The following DLGAP2 variants were observed in gnomAD, a reference collection of about 807,000 sequenced individuals.
DLGAP2 encodes the protein DLG associated protein 2.
A neutral mutation model predicts 100.3 loss-of-function variants in DLGAP2; 26 were observed. The ratio of observed to expected loss-of-function variants is 0.26; its 90% CI spans 0.19 to 0.36. The LOEUF (loss-of-function observed/expected upper bound fraction) is 0.36. DLGAP2 is among the 10% of genes least tolerant of loss of function. The pLI is 1.00. For missense variants in DLGAP2, 1,858 were observed against 1,453.2 expected, an observed-to-expected ratio of 1.28 and a Z score of -4.53; for synonymous variants, 886 against 630.1, an observed-to-expected ratio of 1.41 and a Z score of -6.08.
chr8:921,236 C>T (rs572664152), intron 2 of DLGAP2, among the ~76,000 whole-genome samples: 1 of 152,028 alleles, frequency 6.6e-6, no homozygotes, highest in Admixed American at 6.6e-5. Context: ...AGACTTGTTT[C>T]CCCTGATTTC....
chr8:957,056 A>C (rs555201725), intron 2 of DLGAP2, among the ~76,000 whole-genome samples: 63 of 152,346 alleles, frequency 4.1e-4, no homozygotes, highest in African/African-American at 1.3e-3. Flanking sequence ...CAAGCACCCA[A>C]GCTGGTTGGA....
At chr8:1,287,652 G>GTGTA (rs1799968826) in intron 3 of DLGAP2, among the ~76,000 whole-genome samples, 1 of 135,996 alleles carries the variant, frequency 7.4e-6, no homozygotes, top group African/African-American at 2.9e-5. Flanking sequence ...GTGTGTGTGT[G>GTGTA]TGTGTGTATG....
At chr8:1,359,946 C>T (rs903617396) in intron 3 of DLGAP2, among the ~76,000 whole-genome samples, 1 of 152,188 alleles carries the variant, frequency 6.6e-6, no homozygotes, top group African/African-American at 2.4e-5. Flanking sequence ...CAGGACCGTC[C>T]TGAGTTCGTG....
At chr8:1,217,777 C>A (rs939190147) in intron 2 of DLGAP2, among the ~76,000 whole-genome samples, 1 of 152,042 alleles carries the variant, frequency 6.6e-6, no homozygotes, top group Non-Finnish European at 1.5e-5. Context: ...TTGACAACAT[C>A]TGCTATTAAT....
At chr8:1,373,324 G>A (rs1041879203) in intron 3 of DLGAP2, among the ~76,000 whole-genome samples, 13 of 151,756 alleles carry the variant, frequency 8.6e-5, no homozygotes, top group Non-Finnish European at 1.8e-4. Flanking sequence ...GCTGACGGGC[G>A]GGCCCTTCCG....
intron 1 of DLGAP2, among the ~76,000 whole-genome samples, chr8:758,055 T>C (rs1204896107): frequency 6.6e-6 from 1 of 152,170 alleles, no homozygotes; most frequent in Non-Finnish European, 1.5e-5. Context: ...GAAATGGAGA[T>C]GATGGTAATT....
At chr8:1,649,586 T>A (rs893260328) in intron 8 of DLGAP2, among the ~76,000 whole-genome samples, 1 of 152,218 alleles carries the variant, frequency 6.6e-6, no homozygotes, top group Non-Finnish European at 1.5e-5. Context: ...TGGTGAGATC[T>A]GTATCACTAC....
intron 3 of DLGAP2, among the ~76,000 whole-genome samples, chr8:1,345,015 T>C (rs1461215029): frequency 2.0e-5 from 3 of 152,218 alleles, no homozygotes; most frequent in African/African-American, 7.2e-5. Flanking sequence ...CCAAATTTGA[T>C]ATTGGGACCA....
intron 6 of DLGAP2, chr8:1,621,478 C>G (rs922600639): frequency 2.0e-5 from 3 of 152,292 alleles, no homozygotes; most frequent in Non-Finnish European, 4.4e-5. Flanking sequence ...CCCGTTGGGA[C>G]CCAAGCCAGC....
At chr8:1,253,477 A>G (rs1231856684) in intron 2 of DLGAP2, among the ~76,000 whole-genome samples, 1 of 152,262 alleles carries the variant, frequency 6.6e-6, no homozygotes, top group Non-Finnish European at 1.5e-5. Flanking sequence ...AAATATGTGC[A>G]TAAATGTAGA....
chr8:738,753 G>A, intron 1 of DLGAP2: 1 of 153,250 alleles, frequency 6.5e-6, no homozygotes, highest in Non-Finnish European at 1.5e-5. Context: ...CGCGGCGTGT[G>A]CGGTGCCCGA....
intron 1 of DLGAP2, among the ~76,000 whole-genome samples, chr8:765,784 T>G (rs554940869): frequency 3.9e-5 from 6 of 152,202 alleles, no homozygotes; most frequent in African/African-American, 1.4e-4. Context: ...CACACATGCA[T>G]GTACACAGAC....
intron 2 of DLGAP2, among the ~76,000 whole-genome samples, chr8:974,814 A>G (rs1240954846): frequency 2.6e-5 from 4 of 152,216 alleles, no homozygotes; most frequent in South Asian, 4.1e-4. Flanking sequence ...TCCAAAATCA[A>G]TCATCTAAAC....
Position 1,130,554 on chromosome 8 carries a change from G to A in DLGAP2, c.74-128297G>A, listed in dbSNP as rs558465733. 7.2e-5 allele frequency among the ~76,000 whole-genome samples: 11 copies of A among 152,288 alleles called. No homozygotes were observed. In the East Asian group the frequency reaches 1.2e-3, roughly 16 times the overall value. On this transcript the variant is annotated intron_variant, in intron 2 of 14. Coordinates refer to ENST00000637795, the MANE Select transcript of DLGAP2 (RefSeq NM_001346810.2). ...CACCCATTAGATAAAAGCAGATGCC[G>A]CGTTTTCTGAACCCCAACTGTAACT... is the stretch of plus-strand genomic sequence containing the variant.
intron 4 of DLGAP2, among the ~76,000 whole-genome samples, chr8:1,522,350 C>T (rs1262531768): frequency 2.6e-5 from 4 of 152,186 alleles, no homozygotes; most frequent in African/African-American, 7.2e-5. Context: ...GCCGAAACAG[C>T]TGAGTGCATG....
At chr8:1,478,029 C>T (rs1798983868) in intron 3 of DLGAP2, among the ~76,000 whole-genome samples, 2 of 152,124 alleles carry the variant, frequency 1.3e-5, no homozygotes, top group Non-Finnish European at 2.9e-5. Flanking sequence ...ACTTTCATTC[C>T]CCCTACGTAA....
At chr8:1,075,164 C>A (rs539566517) in intron 2 of DLGAP2, among the ~76,000 whole-genome samples, 19 of 152,326 alleles carry the variant, frequency 1.2e-4, no homozygotes, top group Admixed American at 9.8e-4. Context: ...AGACAAACAG[C>A]CCCTCCTTTT....
At chr8:1,664,849 C>T (rs1022251581) in intron 8 of DLGAP2, among the ~76,000 whole-genome samples, 1 of 152,222 alleles carries the variant, frequency 6.6e-6, no homozygotes, top group African/African-American at 2.4e-5. Flanking sequence ...GTTTTGAGAA[C>T]AACCTGGCAG....
At chr8:1,408,414 G>A (rs566856385) in intron 3 of DLGAP2, among the ~76,000 whole-genome samples, 1 of 149,848 alleles carries the variant, frequency 6.7e-6, no homozygotes, top group Admixed American at 6.7e-5. Flanking sequence ...CAACCTGTTA[G>A]TTCACCTGGG....
Sources: allele counts gnomAD v4.1 joint callset (sites outside exome capture counted in the v4.1 genomes callset), GRCh38; gene constraint gnomAD v4.1.1; transcripts MANE v1.5; gene names NCBI Gene and HGNC (gene_info 2026-07-23, HGNC 2026-07-21).